The following RERE variants were observed in gnomAD, a reference collection of about 807,000 sequenced individuals.
RERE encodes the protein arginine-glutamic acid dipeptide repeats, also known as arginine-glutamic acid dipeptide repeats protein.
A neutral mutation model predicts 146.1 loss-of-function variants in RERE; 40 were observed. That is an observed-to-expected ratio of 0.27 (90% CI 0.21 to 0.36). RERE has a LOEUF of 0.36. Ranked by LOEUF, RERE falls within the 10% of genes least tolerant of loss-of-function variation. RERE has a pLI of 1.00. For synonymous variants in RERE, 1,003 were observed against 866.0 expected (o/e 1.16, Z -2.78); for missense variants, 1,933 against 2,138.7 (o/e 0.90, Z 1.90).
intron 10 of RERE, among the ~76,000 whole-genome samples, chr1:8,471,094 G>A (rs1174301584): frequency 6.6e-6 from 1 of 152,036 alleles, no homozygotes; most frequent in Non-Finnish European, 1.5e-5. Context: ...TGGGATTACA[G>A]GTGTCAGCCA....
intron 1 of RERE, among the ~76,000 whole-genome samples, chr1:8,810,449 T>C (rs1003231789): frequency 6.6e-6 from 1 of 152,030 alleles, no homozygotes; most frequent in African/African-American, 2.4e-5. Context: ...CTATAAAAAA[T>C]ACAAAAATTA....
chr1:8,414,273 G>A (rs967295234), intron 12 of RERE, among the ~76,000 whole-genome samples: 4 of 151,908 alleles, frequency 2.6e-5, no homozygotes, highest in East Asian at 2.0e-4. Context: ...TCGGCCGGGC[G>A]TGGTGGCTCA....
chr1:8,793,973 C>T (rs1288244973), intron 1 of RERE, among the ~76,000 whole-genome samples: 3 of 151,690 alleles, frequency 2.0e-5, no homozygotes, highest in South Asian at 2.1e-4. Context: ...GAGGCTGAGG[C>T]ACGAGAATCG....
At chr1:8,674,207 CA>C (rs1265498732) in intron 1 of RERE, among the ~76,000 whole-genome samples, 1 of 152,016 alleles carries the variant, frequency 6.6e-6, no homozygotes, top group Non-Finnish European at 1.5e-5. Context: ...TTCCATAGAT[CA>C]ATGGCCTAAG....
At chr1:8,592,702 T>C (rs1646510102) in intron 4 of RERE, among the ~76,000 whole-genome samples, 1 of 152,098 alleles carries the variant, frequency 6.6e-6, no homozygotes. Flanking sequence ...GGAAACATAG[T>C]GAGATCCCAT....
intron 11 of RERE, among the ~76,000 whole-genome samples, chr1:8,438,662 G>A (rs1644203658): frequency 6.6e-6 from 1 of 152,068 alleles, no homozygotes; most frequent in Admixed American, 6.6e-5. Context: ...GTTTACTTCC[G>A]GCTAGCCATG....
At chr1:8,655,591 TTTAC>T (rs1638259804) in intron 2 of RERE, among the ~76,000 whole-genome samples, 1 of 152,040 alleles carries the variant, frequency 6.6e-6, no homozygotes, top group Non-Finnish European at 1.5e-5. Context: ...AATCTTAAGG[TTTAC>T]TTGTCTCCAC....
At chr1:8,565,834 A>G (rs1269468420) in intron 4 of RERE, among the ~76,000 whole-genome samples, 2 of 152,242 alleles carry the variant, frequency 1.3e-5, no homozygotes, top group Admixed American at 1.3e-4. Context: ...AAAGCAGAGT[A>G]TACCACCAGG....
intron 7 of RERE, among the ~76,000 whole-genome samples, chr1:8,510,820 G>A (rs1645325321): frequency 6.6e-6 from 1 of 152,206 alleles, no homozygotes; most frequent in Admixed American, 6.5e-5. Context: ...GGTTCTTCCA[G>A]AAGGTCTGTT....
chr1:8,799,351 C>T (rs1233414343), intron 1 of RERE: 2 of 154,224 alleles, frequency 1.3e-5, no homozygotes, highest in Non-Finnish European at 2.9e-5. Context: ...CCATAAGGTG[C>T]TCCGTGGATA....
chr1:8,379,148 G>A (rs1216594841), intron 12 of RERE, among the ~76,000 whole-genome samples: 2 of 152,104 alleles, frequency 1.3e-5, no homozygotes, highest in Non-Finnish European at 1.5e-5. Flanking sequence ...GGACACGGGG[G>A]AAGGAAGAGA....
intron 8 of RERE, among the ~76,000 whole-genome samples, chr1:8,498,597 G>A (rs1645078399): frequency 6.7e-6 from 1 of 149,978 alleles, no homozygotes; most frequent in Non-Finnish European, 1.5e-5. Context: ...TTGGGAGGTT[G>A]AGGCAAGAGA....
Position 8,603,507 on chromosome 1 carries a change from C to G in RERE, c.522+11054G>C, listed in dbSNP as rs893438242. On this transcript the variant is annotated intron_variant, in intron 4 of 22. Coordinates refer to ENST00000400908, the MANE Select transcript of RERE (RefSeq NM_001042681.2). ...GCGGCTACTTATTTCACAACATCAT[C>G]GCCCAGTCTATTAAATTAATGTTGG... is the stretch of plus-strand genomic sequence containing the variant. Among the ~76,000 whole-genome samples the G allele has an allele frequency of 2.0e-5, 3 of 152,208 alleles. No individual in the cohort carries two copies. The South Asian group carries it at 6.2e-4, about 32-fold the overall frequency.
chr1:8,547,215 GAAC>G (rs1490294521), intron 6 of RERE, among the ~76,000 whole-genome samples: 1 of 151,648 alleles, frequency 6.6e-6, no homozygotes, highest in Non-Finnish European at 1.5e-5. Context: ...ATAGACAATA[GAAC>G]AACAAAACAA....
intron 1 of RERE, among the ~76,000 whole-genome samples, chr1:8,793,026 G>A (rs1042160002): frequency 3.3e-5 from 5 of 151,722 alleles, no homozygotes; most frequent in Admixed American, 6.6e-5. Flanking sequence ...GCATGGTGGC[G>A]GGCGCCTGTA....
At chr1:8,688,996 T>C (rs1169313150) in intron 1 of RERE, among the ~76,000 whole-genome samples, 2 of 152,174 alleles carry the variant, frequency 1.3e-5, no homozygotes, top group Non-Finnish European at 2.9e-5. Context: ...TTTGTATACT[T>C]TTTAAATGAG....
intron 11 of RERE, chr1:8,425,173 C>G (rs1404057853): frequency 6.6e-6 from 1 of 152,220 alleles, no homozygotes; most frequent in Admixed American, 6.5e-5. Flanking sequence ...ACTACTGGCA[C>G]ACTCCACCTC....
chr1:8,398,414 A>G (rs1404388753), intron 12 of RERE, among the ~76,000 whole-genome samples: 1 of 152,018 alleles, frequency 6.6e-6, no homozygotes, highest in Non-Finnish European at 1.5e-5. Context: ...CCATCTCCCC[A>G]TCACTCAAGG....
intron 4 of RERE, among the ~76,000 whole-genome samples, chr1:8,609,185 T>C (rs898242172): frequency 9.3e-5 from 14 of 150,212 alleles, no homozygotes; most frequent in Middle Eastern, 6.5e-3. Context: ...ACCACTGCTC[T>C]CCAGCCTGGG....
Sources: allele counts gnomAD v4.1 joint callset (sites outside exome capture counted in the v4.1 genomes callset), GRCh38; gene constraint gnomAD v4.1.1; transcripts MANE v1.5; gene names NCBI Gene and HGNC (gene_info 2026-07-23, HGNC 2026-07-21).